LRRTM4: variants seen among roughly 807,000 people sequenced by gnomAD.
The protein encoded by LRRTM4 is leucine-rich repeat transmembrane neuronal protein 4.
LRRTM4 carries 25 observed loss-of-function variants against 47.6 expected under a neutral mutation model. The observed-to-expected ratio is 0.53, with a 90% CI of 0.38 to 0.73. The LOEUF (loss-of-function observed/expected upper bound fraction) is 0.73, where lower values mean the gene tolerates loss of function less well. LRRTM4 is among the 30% of genes least tolerant of loss of function. The probability of loss-of-function intolerance (pLI) is 0.00; values close to 1 mark genes in which losing one functional copy is unlikely to be tolerated. For missense variants in LRRTM4, 638 were observed against 713.4 expected, an observed-to-expected ratio of 0.89 and a Z score of 1.20; for synonymous variants, 311 against 269.5, an observed-to-expected ratio of 1.15 and a Z score of -1.51.
intron 3 of LRRTM4, among the ~76,000 whole-genome samples, chr2:76,834,451 G>A (rs1241704785): frequency 6.6e-6 from 1 of 151,980 alleles, no homozygotes; most frequent in Non-Finnish European, 1.5e-5. Context: ...ATTCTTCAAT[G>A]AGAATAGCTC....
At chr2:76,792,262 ATTAAAAAAACC>A (rs1675014338) in intron 3 of LRRTM4, among the ~76,000 whole-genome samples, 1 of 152,182 alleles carries the variant, frequency 6.6e-6, no homozygotes, top group Admixed American at 6.5e-5. Flanking sequence ...CAAAATAACC[ATTAAAAAAACC>A]TTCACTGTTT....
chr2:76,810,787 AAAC>A (rs1293676625), intron 3 of LRRTM4, among the ~76,000 whole-genome samples: 6 of 152,312 alleles, frequency 3.9e-5, no homozygotes, highest in South Asian at 2.1e-4. Flanking sequence ...ATCATTGGCT[AAAC>A]AATAAAAGCA....
At chr2:76,951,345 C>T (rs1022737560) in intron 3 of LRRTM4, among the ~76,000 whole-genome samples, 13 of 151,910 alleles carry the variant, frequency 8.6e-5, no homozygotes, top group Admixed American at 7.9e-4. Flanking sequence ...CTTTCAGTCA[C>T]TTTTTTCTAG....
At chr2:77,211,959 C>A (rs1674304150) in intron 3 of LRRTM4, among the ~76,000 whole-genome samples, 1 of 151,860 alleles carries the variant, frequency 6.6e-6, no homozygotes, top group African/African-American at 2.4e-5. Context: ...TGATAATAAG[C>A]TCTTTGTGGA....
At chr2:77,278,967 G>A (rs1370798696) in intron 3 of LRRTM4, among the ~76,000 whole-genome samples, 1 of 151,930 alleles carries the variant, frequency 6.6e-6, no homozygotes, top group East Asian at 1.9e-4. Context: ...GATTATAATA[G>A]GCAATGATGA....
At chr2:77,140,577 T>C (rs1163945329) in intron 3 of LRRTM4, among the ~76,000 whole-genome samples, 1 of 142,372 alleles carries the variant, frequency 7.0e-6, no homozygotes, top group Non-Finnish European at 1.5e-5. Context: ...AAGGACTTCA[T>C]GACTAAAACA....
chr2:77,039,829 C>T (rs1195964530), intron 3 of LRRTM4, among the ~76,000 whole-genome samples: 1 of 150,950 alleles, frequency 6.6e-6, no homozygotes, highest in Non-Finnish European at 1.5e-5. Context: ...GACAACATTG[C>T]ACTCACAAGG....
intron 3 of LRRTM4, among the ~76,000 whole-genome samples, chr2:77,142,928 T>C (rs569215098): frequency 6.6e-6 from 1 of 152,280 alleles, no homozygotes; most frequent in African/African-American, 2.4e-5. Context: ...CATGTATGAA[T>C]CTAAGTTTTT....
intron 3 of LRRTM4, among the ~76,000 whole-genome samples, chr2:77,094,710 A>T (rs1670760043): frequency 6.6e-6 from 1 of 152,172 alleles, no homozygotes; most frequent in Non-Finnish European, 1.5e-5. Flanking sequence ...AAATGGTGTT[A>T]GAAAAACTGG....
At chr2:77,159,260 A>C (rs1241156976) in intron 3 of LRRTM4, among the ~76,000 whole-genome samples, 1 of 152,200 alleles carries the variant, frequency 6.6e-6, no homozygotes, top group East Asian at 1.9e-4. Flanking sequence ...CCTGTTGACC[A>C]GAAATCTTAC....
At chr2:76,780,048 T>C (rs1227284265) in intron 3 of LRRTM4, among the ~76,000 whole-genome samples, 1 of 152,210 alleles carries the variant, frequency 6.6e-6, no homozygotes, top group Non-Finnish European at 1.5e-5. Context: ...TATGCAATTC[T>C]GGGTTGAAAA....
intron 3 of LRRTM4, among the ~76,000 whole-genome samples, chr2:77,421,583 T>C (rs1396475589): frequency 2.6e-5 from 4 of 152,098 alleles, no homozygotes; most frequent in Non-Finnish European, 4.4e-5. Context: ...GGCGGGTGCC[T>C]GTAGTCCCAG....
intron 3 of LRRTM4, among the ~76,000 whole-genome samples, chr2:76,856,563 A>C (rs1450540073): frequency 6.6e-6 from 1 of 152,146 alleles, no homozygotes; most frequent in East Asian, 1.9e-4. Context: ...TTTGTGTTTA[A>C]AATTTTGTCT....
chr2:76,797,010 G>A (rs958335040), intron 3 of LRRTM4, among the ~76,000 whole-genome samples: 2 of 152,052 alleles, frequency 1.3e-5, no homozygotes, highest in Non-Finnish European at 2.9e-5. Flanking sequence ...GAAAGTGATG[G>A]GGAGAATGCA....
chr2:77,490,633 A>C (rs998873056), intron 3 of LRRTM4, among the ~76,000 whole-genome samples: 2 of 151,924 alleles, frequency 1.3e-5, no homozygotes, highest in Non-Finnish European at 1.5e-5. Flanking sequence ...ATAAAAAAAA[A>C]CAGCAGTCTA....
At chr2:76,763,387 A>G (rs989818453) in intron 3 of LRRTM4, among the ~76,000 whole-genome samples, 1 of 152,248 alleles carries the variant, frequency 6.6e-6, no homozygotes, top group African/African-American at 2.4e-5. Flanking sequence ...TAGTGTCTTC[A>G]TGAAAAGAAA....
chr2:76,974,247 TATATATAC>T (rs1288979163), intron 3 of LRRTM4, among the ~76,000 whole-genome samples: 4 of 134,692 alleles, frequency 3.0e-5, no homozygotes, highest in African/African-American at 1.2e-4. Flanking sequence ...TATACATATA[TATATATAC>T]ACACACATAC....
chr2:76,785,076 A>C (rs1420606651), intron 3 of LRRTM4, among the ~76,000 whole-genome samples: 2 of 152,096 alleles, frequency 1.3e-5, no homozygotes, highest in African/African-American at 4.8e-5. Context: ...TCTGCAATAA[A>C]CTATTAAGAT....
At chr2:76,943,468 C>T (rs995991620) in intron 3 of LRRTM4, among the ~76,000 whole-genome samples, 1 of 152,058 alleles carries the variant, frequency 6.6e-6, no homozygotes, top group Non-Finnish European at 1.5e-5. Flanking sequence ...AATAAAACTG[C>T]CTGGATGATT....
Sources: gnomAD v4.1 joint callset for allele counts (sites outside exome capture counted in the v4.1 genomes callset) on GRCh38, gnomAD v4.1.1 for gene constraint, MANE v1.5 for transcripts, NCBI Gene and HGNC (gene_info 2026-07-23, HGNC 2026-07-21) for gene names.